The following TCF7L2 variants were observed in gnomAD, a reference collection of about 807,000 sequenced individuals.
TCF7L2 encodes the protein transcription factor 7-like 2.
Under a neutral mutation model 77.9 loss-of-function variants are expected in TCF7L2, and 23 were observed. The observed-to-expected ratio is 0.30, with a 90% confidence interval of 0.21 to 0.42. The LOEUF is 0.42. Among genes scored for constraint, TCF7L2 ranks in the 10% least tolerant of loss-of-function variants. The pLI is 1.00. For synonymous variants in TCF7L2, 413 were observed against 340.2 expected (o/e 1.21, Z -2.36); for missense variants, 654 against 793.1 (o/e 0.82, Z 2.11).
chr10:113,160,202 C>T (rs778788585), intron 12 of TCF7L2, among the ~76,000 whole-genome samples: 1 of 151,900 alleles, frequency 6.6e-6, no homozygotes, highest in African/African-American at 2.4e-5. Context: ...CAGCATCACT[C>T]GTGCCTCCTC....
intron 5 of TCF7L2, among the ~76,000 whole-genome samples, chr10:113,106,105 T>C (rs918329424): frequency 6.6e-6 from 1 of 152,018 alleles, no homozygotes; most frequent in African/African-American, 2.4e-5. Flanking sequence ...GTAAAATAAC[T>C]CAGGTCAGGG....
chr10:113,159,436 A>AT (rs2072665740), intron 12 of TCF7L2, among the ~76,000 whole-genome samples: 1 of 151,296 alleles, frequency 6.6e-6, no homozygotes, highest in Non-Finnish European at 1.5e-5. Flanking sequence ...TTTATTTGTA[A>AT]TTTTTTTCTT....
intron 5 of TCF7L2, among the ~76,000 whole-genome samples, chr10:113,119,282 G>A (rs1000861493): frequency 2.6e-5 from 4 of 152,146 alleles, no homozygotes; most frequent in Admixed American, 6.5e-5. Flanking sequence ...GGTCTCCGAT[G>A]GTGATTTAGT....
intron 4 of TCF7L2, among the ~76,000 whole-genome samples, chr10:112,985,150 C>T (rs2041248051): frequency 6.6e-6 from 1 of 152,140 alleles, no homozygotes; most frequent in Non-Finnish European, 1.5e-5. Context: ...GGAAATGATA[C>T]CTGTGATCCT....
intron 5 of TCF7L2, among the ~76,000 whole-genome samples, chr10:113,040,415 G>A (rs2052234505): frequency 6.6e-6 from 1 of 152,152 alleles, no homozygotes; most frequent in South Asian, 2.1e-4. Context: ...AATCACCATG[G>A]TATGGAGGAG....
chr10:113,077,844 C>A (rs1322668250), intron 5 of TCF7L2, among the ~76,000 whole-genome samples: 1 of 149,772 alleles, frequency 6.7e-6, no homozygotes, highest in African/African-American at 2.4e-5. Context: ...GCCCATGCCA[C>A]CACGCCTGGC....
intron 5 of TCF7L2, among the ~76,000 whole-genome samples, chr10:113,140,836 T>C (rs7898086): frequency 0.32 from 48,971 of 151,966 alleles, 8,337 homozygotes; most frequent in Non-Finnish European, 0.35. Flanking sequence ...CCACAACATG[T>C]GGAAACGCAG....
chr10:112,986,690 T>G (rs1418229544), intron 4 of TCF7L2, among the ~76,000 whole-genome samples: 1 of 152,194 alleles, frequency 6.6e-6, no homozygotes, highest in Non-Finnish European at 1.5e-5. Context: ...GAGGATGTAT[T>G]AGAGCATTTT....
Position 113,151,041 on chromosome 10 carries a change from A to G in TCF7L2, c.919A>G (p.Thr307Ala). The G allele has an allele frequency of 6.2e-7, 1 of 1,614,044 alleles. No homozygotes were observed. The highest frequency in any genetic ancestry group is 8.5e-7 in the Non-Finnish European group (1 of 1,180,010). Residue 307 changes from threonine to alanine, a missense_variant, in exon 9 of 14, where the codon ACG becomes GCG. Physicochemically the swap from Thr to Ala is moderately conservative, Grantham distance 58. Coordinates refer to ENST00000627217, the MANE Select transcript of TCF7L2 (RefSeq NM_001146274.2). The surrounding 1 kb of genome is among the most constrained non-coding windows in gnomAD (Gnocchi z 5.2). ...CCCACCACATCATACGCTACACACG[A>G]CGGGCATTCCGCATCCGGCCATAGT...
intron 4 of TCF7L2, among the ~76,000 whole-genome samples, chr10:113,015,783 C>T (rs1330532294): frequency 6.6e-6 from 1 of 152,138 alleles, no homozygotes; most frequent in African/African-American, 2.4e-5. Flanking sequence ...GCCACTGTGC[C>T]TGTGCTCAAT....
At chr10:112,996,744 T>C (rs2043557705) in intron 4 of TCF7L2, among the ~76,000 whole-genome samples, 1 of 152,200 alleles carries the variant, frequency 6.6e-6, no homozygotes, top group Non-Finnish European at 1.5e-5. Context: ...AAGAGATGGT[T>C]TCCTTCAACC....
chr10:112,966,844 A>G lies in TCF7L2; in HGVS notation c.450+2220A>G, dbSNP rs1472186238. Among the ~76,000 whole-genome samples the G allele has an allele frequency of 4.6e-5, 7 of 152,304 alleles. No homozygotes were observed. The East Asian group carries it at 7.7e-4, about 17-fold the overall frequency. On this transcript the variant is annotated intron_variant, in intron 4 of 13. Transcript: ENST00000627217. ...GTTTTGGAGGACTGAAACCATTACT[A>G]TTCCTCCATGAACAGGTAGTATTGT...
At chr10:112,996,649 G>A (rs2043538774) in intron 4 of TCF7L2, among the ~76,000 whole-genome samples, 1 of 152,196 alleles carries the variant, frequency 6.6e-6, no homozygotes, top group African/African-American at 2.4e-5. Flanking sequence ...AGGGCACCTG[G>A]GATTTCCGGC....
At chr10:113,125,966 T>C (rs1329083761) in intron 5 of TCF7L2, 2 of 152,242 alleles carry the variant, frequency 1.3e-5, no homozygotes, top group East Asian at 1.9e-4. Context: ...TGATTTTGTT[T>C]AATCTTTTTG....
intron 5 of TCF7L2, among the ~76,000 whole-genome samples, chr10:113,043,533 C>T (rs1402857547): frequency 6.6e-6 from 1 of 152,110 alleles, no homozygotes; most frequent in African/African-American, 2.4e-5. Flanking sequence ...TTGGCTGGCC[C>T]AAAACTGGGA....
rs373016863 is a variant in TCF7L2 at position 113,165,399 on chromosome 10, T to TG, written c.1392-149dup. Among the ~76,000 whole-genome samples, 132 of 152,016 alleles carry TG rather than the reference T, an allele frequency of 8.7e-4. 1 individual carries two copies. The highest frequency in any genetic ancestry group is 2.9e-3 in the African/African-American group (121 of 41,466). ...GCACTGTGAAGTAAGCGACCCACCCTGGGGGGGCGCCACTGTAATTGTCCT... is the reference window on the plus strand; with the variant it reads ...GCACTGTGAAGTAAGCGACCCACCCTGGGGGGGGCGCCACTGTAATTGTCCT... On this transcript the variant is annotated intron_variant, in intron 13 of 13. Coordinates refer to ENST00000627217, the MANE Select transcript of TCF7L2 (RefSeq NM_001146274.2).
At chr10:113,068,754 G>T (rs569824976) in intron 5 of TCF7L2, among the ~76,000 whole-genome samples, 12 of 152,098 alleles carry the variant, frequency 7.9e-5, no homozygotes, top group Non-Finnish European at 5.9e-5. Context: ...AGCTCGTCCC[G>T]TCCGCAGGCC....
intron 4 of TCF7L2, among the ~76,000 whole-genome samples, chr10:113,026,340 T>C (rs2049165117): frequency 6.6e-6 from 1 of 151,868 alleles, no homozygotes; most frequent in African/African-American, 2.4e-5. Flanking sequence ...TAAGTATTTT[T>C]AGTAGAGACA....
chr10:113,122,157 G>T (rs1486175937), intron 5 of TCF7L2, among the ~76,000 whole-genome samples: 1 of 152,132 alleles, frequency 6.6e-6, no homozygotes, highest in African/African-American at 2.4e-5. Context: ...ATACACTTCT[G>T]CTTAAATTCT....
Sources: allele counts gnomAD v4.1 joint callset (sites outside exome capture counted in the v4.1 genomes callset), GRCh38; gene constraint gnomAD v4.1.1; non-coding constraint Gnocchi (gnomAD v3.1); transcripts MANE v1.5; gene names NCBI Gene and HGNC (gene_info 2026-07-23, HGNC 2026-07-21).